PIBF1: variants seen among roughly 807,000 people sequenced by gnomAD.
PIBF1 encodes the protein progesterone immunomodulatory binding factor 1.
PIBF1 carries 90 observed loss-of-function variants against 112.5 expected under a neutral mutation model. That is an observed-to-expected ratio of 0.80 (90% CI 0.67 to 0.95). The LOEUF (loss-of-function observed/expected upper bound fraction) is 0.95, where lower values mean the gene tolerates loss of function less well. Ranked by LOEUF, PIBF1 falls within the 40% of genes least tolerant of loss-of-function variation. The pLI is 0.00. For missense variants in PIBF1, 915 were observed against 852.3 expected, an observed-to-expected ratio of 1.07 and a Z score of -0.92; for synonymous variants, 301 against 288.6, an observed-to-expected ratio of 1.04 and a Z score of -0.44.
chr13:72,939,995 G>T (rs2041969772), intron 14 of PIBF1, among the ~76,000 whole-genome samples: 1 of 152,086 alleles, frequency 6.6e-6, no homozygotes, highest in African/African-American at 2.4e-5. Flanking sequence ...TAAGCAATTT[G>T]ATTATCATTT....
At chr13:73,005,340 G>T (rs2043998949) in intron 17 of PIBF1, among the ~76,000 whole-genome samples, 1 of 151,146 alleles carries the variant, frequency 6.6e-6, no homozygotes, top group African/African-American at 2.4e-5. Flanking sequence ...AGGCATGGTG[G>T]TATGTGCCTA....
At chr13:73,001,548 G>T (rs576043600) in intron 17 of PIBF1, among the ~76,000 whole-genome samples, 3 of 140,704 alleles carry the variant, frequency 2.1e-5, no homozygotes, top group African/African-American at 7.9e-5. Flanking sequence ...TGGGAGCAGT[G>T]CTGTGACGCA....
chr13:72,953,231 A>G (rs2042350243), intron 14 of PIBF1, among the ~76,000 whole-genome samples: 1 of 152,204 alleles, frequency 6.6e-6, no homozygotes, highest in Admixed American at 6.5e-5. Flanking sequence ...TGTTCCATGT[A>G]GACTTTCCCC....
intron 10 of PIBF1, among the ~76,000 whole-genome samples, chr13:72,877,371 G>A (rs1380917636): frequency 6.6e-6 from 1 of 152,040 alleles, no homozygotes; most frequent in Non-Finnish European, 1.5e-5. Context: ...GTCTGGTTTT[G>A]GTATTTGAGT....
intron 8 of PIBF1, 27 bp from the exon 9 acceptor site, chr13:72,835,216 A>G: frequency 6.6e-7 from 1 of 1,509,132 alleles, no homozygotes; most frequent in Non-Finnish European, 8.8e-7. Flanking sequence ...AAGAAAATTT[A>G]TGGTTGTTCC....
chr13:72,846,351 T>C (rs982289685), intron 9 of PIBF1, among the ~76,000 whole-genome samples: 19 of 152,182 alleles, frequency 1.2e-4, no homozygotes, highest in African/African-American at 4.6e-4. Context: ...TCACGTATAT[T>C]ACCTTGCTTC....
intron 3 of PIBF1, among the ~76,000 whole-genome samples, chr13:72,793,149 T>C (rs1371521963): frequency 6.6e-6 from 1 of 152,178 alleles, no homozygotes; most frequent in African/African-American, 2.4e-5. Flanking sequence ...TCTCATGCCA[T>C]TGTAAAGAAA....
intron 10 of PIBF1, chr13:72,884,457 A>T (rs1381159347): frequency 6.6e-6 from 1 of 152,194 alleles, no homozygotes; most frequent in Admixed American, 6.5e-5. Flanking sequence ...GAAAAGCAAC[A>T]CTTTCTGCAA....
At chr13:72,786,636 A>T (rs888345575) in intron 2 of PIBF1, among the ~76,000 whole-genome samples, 3 of 152,176 alleles carry the variant, frequency 2.0e-5, no homozygotes. Flanking sequence ...GCTCCTTGCA[A>T]CACATGCAGC....
chr13:72,991,925 A>G (rs974640305), intron 16 of PIBF1, among the ~76,000 whole-genome samples: 1 of 152,048 alleles, frequency 6.6e-6, no homozygotes, highest in Non-Finnish European at 1.5e-5. Flanking sequence ...TCACCATGTT[A>G]GCCAGGATGG....
intron 15 of PIBF1, among the ~76,000 whole-genome samples, chr13:72,971,119 G>A (rs1318247749): frequency 4.6e-5 from 7 of 151,654 alleles, no homozygotes; most frequent in Non-Finnish European, 1.0e-4. Flanking sequence ...TAATTACCTC[G>A]ACATTCCATT....
intron 11 of PIBF1, among the ~76,000 whole-genome samples, chr13:72,906,425 A>G (rs2040706584): frequency 6.6e-6 from 1 of 152,160 alleles, no homozygotes; most frequent in South Asian, 2.1e-4. Flanking sequence ...GGCTTATTTT[A>G]TGTATCCATA....
chr13:72,957,679 A>G (rs1444850041), intron 14 of PIBF1, among the ~76,000 whole-genome samples: 1 of 152,120 alleles, frequency 6.6e-6, no homozygotes, highest in African/African-American at 2.4e-5. Context: ...AAATAATAAT[A>G]AAATTCTAAG....
intron 2 of PIBF1, among the ~76,000 whole-genome samples, chr13:72,787,141 A>G (rs1480711797): frequency 6.6e-6 from 1 of 152,194 alleles, no homozygotes; most frequent in East Asian, 1.9e-4. Context: ...TGCCCTGGGA[A>G]TAACACCTTA....
At chr13:72,907,998 C>T (rs1281906658) in intron 11 of PIBF1, among the ~76,000 whole-genome samples, 2 of 152,096 alleles carry the variant, frequency 1.3e-5, no homozygotes. Context: ...TTTTCTGATA[C>T]TGCCTCAAGC....
rs72280244 is a variant in PIBF1, at chr13:72,790,423, A to ACT, written c.253-2023_253-2022insTC. Among the ~76,000 whole-genome samples, 284 of 67,972 alleles carry ACT rather than the reference A, an allele frequency of 4.2e-3. 2 individuals are homozygous for ACT. The highest frequency in any genetic ancestry group is 0.011 in the African/African-American group (267 of 23,412). The allele number at this position is 67,972 out of a possible 152,430, so 44.6% of individuals were successfully genotyped here. On this transcript the variant is annotated intron_variant, in intron 2 of 17. Coordinates refer to ENST00000326291, the MANE Select transcript of PIBF1 (RefSeq NM_006346.4). ...AGTTAGAGTTTAGGAGGAGTCCATC[A>ACT]CACACACACACACACACACACACAC...
At chr13:72,794,979 C>T (rs1454120222) in intron 3 of PIBF1, among the ~76,000 whole-genome samples, 1 of 152,032 alleles carries the variant, frequency 6.6e-6, no homozygotes, top group Non-Finnish European at 1.5e-5. Flanking sequence ...TCAGTGTTAC[C>T]ATCTTAAAGA....
intron 11 of PIBF1, among the ~76,000 whole-genome samples, chr13:72,895,104 CAG>C: frequency 6.6e-6 from 1 of 151,670 alleles, no homozygotes; most frequent in East Asian, 1.9e-4. Flanking sequence ...GGCCTGGCAA[CAG>C]AGCAAGACTA....
intron 10 of PIBF1, among the ~76,000 whole-genome samples, chr13:72,855,855 T>C (rs960785026): frequency 6.6e-6 from 1 of 152,144 alleles, no homozygotes; most frequent in Non-Finnish European, 1.5e-5. Context: ...TGTGTAGTTT[T>C]AGGGATGTAT....
Sources: gnomAD v4.1 joint callset for allele counts (sites outside exome capture counted in the v4.1 genomes callset) on GRCh38, gnomAD v4.1.1 for gene constraint, MANE v1.5 for transcripts, NCBI Gene and HGNC (gene_info 2026-07-23, HGNC 2026-07-21) for gene names.